MAGI2: variants seen among roughly 807,000 people sequenced by gnomAD.
The protein encoded by MAGI2 is membrane associated guanylate kinase, WW and PDZ domain containing 2, also known as membrane-associated guanylate kinase, WW and PDZ domain-containing protein 2.
MAGI2 carries 35 observed loss-of-function variants against 133.3 expected under a neutral mutation model. The ratio of observed to expected loss-of-function variants is 0.26; its 90% CI spans 0.20 to 0.35. The LOEUF is 0.35. Among genes scored for constraint, MAGI2 ranks in the 10% least tolerant of loss-of-function variants. The probability of loss-of-function intolerance (pLI) is 1.00; values close to 1 mark genes in which losing one functional copy is unlikely to be tolerated. For synonymous variants in MAGI2, 729 were observed against 710.6 expected, an observed-to-expected ratio of 1.03 and a Z score of -0.41; for missense variants, 1,636 against 1,863.4, an observed-to-expected ratio of 0.88 and a Z score of 2.25.
At position 78,110,344 on chromosome 7, in the gene MAGI2, G is replaced by T. The variant is rs556495872; in HGVS notation, c.3567+15350C>A. On this transcript the variant is annotated intron_variant, in intron 20 of 21. Coordinates refer to ENST00000354212, the MANE Select transcript of MAGI2 (RefSeq NM_012301.4). ...ACCATCCTAAAGACCAGGGGTATAT[G>T]CATCCTTCAGGCAGATAATTACACA... 5.3e-5 allele frequency among the ~76,000 whole-genome samples: 8 copies of T among 152,266 alleles called. No homozygotes were observed. The South Asian group carries it at 1.4e-3, about 28-fold the overall frequency.
At chr7:78,093,753 C>T (rs947320143) in intron 20 of MAGI2, among the ~76,000 whole-genome samples, 7 of 152,216 alleles carry the variant, frequency 4.6e-5, no homozygotes, top group Admixed American at 1.3e-4. Context: ...ACTTATGCCA[C>T]GAGATACATG....
At chr7:78,851,146 GC>G (rs1259268053) in intron 2 of MAGI2, among the ~76,000 whole-genome samples, 2 of 151,896 alleles carry the variant, frequency 1.3e-5, no homozygotes, top group African/African-American at 2.4e-5. Flanking sequence ...AAATAATTGA[GC>G]AAAACTAGAA....
intron 3 of MAGI2, among the ~76,000 whole-genome samples, chr7:78,580,050 C>G (rs987172467): frequency 5.3e-5 from 8 of 152,134 alleles, no homozygotes; most frequent in African/African-American, 1.9e-4. Context: ...TAAAATGTAA[C>G]TTAGAATGAA....
At chr7:78,090,105 C>T (rs1817036749) in intron 20 of MAGI2, among the ~76,000 whole-genome samples, 1 of 152,164 alleles carries the variant, frequency 6.6e-6, no homozygotes, top group African/African-American at 2.4e-5. Flanking sequence ...ATCCCATCTC[C>T]TAATCATGCC....
rs141337251 is a variant in MAGI2, at chr7:79,217,439, G to A, written c.302-210233C>T. On this transcript the variant is annotated intron_variant, in intron 1 of 21. Transcript: ENST00000354212. ...TGTGTGAGTATTTTCTCTATGGTAGGTATTGTTCTAAGAGCTTTATATGTA... is the reference window on the plus strand; with the variant it reads ...TGTGTGAGTATTTTCTCTATGGTAGATATTGTTCTAAGAGCTTTATATGTA... Among the ~76,000 whole-genome samples the A allele has an allele frequency of 4.7e-3, 712 of 152,052 alleles. 4 individuals are homozygous for A. The highest frequency in any genetic ancestry group is 8.0e-3 in the Non-Finnish European group (546 of 67,984).
At chr7:79,239,293 A>G (rs1327621007) in intron 1 of MAGI2, among the ~76,000 whole-genome samples, 3 of 152,284 alleles carry the variant, frequency 2.0e-5, no homozygotes, top group East Asian at 3.9e-4. Context: ...TAATTGAGAA[A>G]CACTAACTCA....
At chr7:79,054,393 A>G (rs1812950462) in intron 1 of MAGI2, among the ~76,000 whole-genome samples, 1 of 152,188 alleles carries the variant, frequency 6.6e-6, no homozygotes, top group Admixed American at 6.5e-5. Context: ...TAGAAAATCC[A>G]GGTCCCAGAA....
intron 2 of MAGI2, among the ~76,000 whole-genome samples, chr7:78,794,418 A>C (rs1319151668): frequency 6.6e-6 from 1 of 152,246 alleles, no homozygotes; most frequent in Non-Finnish European, 1.5e-5. Flanking sequence ...TTGTGTGGTT[A>C]TAAAATTGTC....
intron 1 of MAGI2, among the ~76,000 whole-genome samples, chr7:79,387,996 T>C: frequency 6.6e-6 from 1 of 152,062 alleles, no homozygotes; most frequent in Admixed American, 6.6e-5. Context: ...TAGTAAATAA[T>C]GATATTTCCC....
At chr7:78,023,532 A>G (rs766335397) in intron 21 of MAGI2, among the ~76,000 whole-genome samples, 8 of 152,330 alleles carry the variant, frequency 5.3e-5, no homozygotes, top group South Asian at 2.1e-4. Flanking sequence ...TAGAAATAAT[A>G]GAGACCCATC....
At chr7:78,398,085 G>A (rs774433612) in intron 6 of MAGI2, among the ~76,000 whole-genome samples, 2 of 152,096 alleles carry the variant, frequency 1.3e-5, no homozygotes, top group Non-Finnish European at 2.9e-5. Context: ...TGTGCTGTGT[G>A]AGAAAAGGCC....
intron 1 of MAGI2, among the ~76,000 whole-genome samples, chr7:79,053,973 G>T (rs934745013): frequency 3.3e-5 from 5 of 152,142 alleles, no homozygotes; most frequent in African/African-American, 1.2e-4. Context: ...GAGGTGGGTG[G>T]ATCATTTGAG....
At chr7:78,284,012 TTAAA>T (rs1012215660) in intron 9 of MAGI2, among the ~76,000 whole-genome samples, 1 of 152,092 alleles carries the variant, frequency 6.6e-6, no homozygotes, top group African/African-American at 2.4e-5. Flanking sequence ...TAACACAACA[TTAAA>T]TAAATGCCTC....
intron 9 of MAGI2, among the ~76,000 whole-genome samples, chr7:78,318,068 C>A (rs1476419782): frequency 1.3e-5 from 2 of 152,152 alleles, no homozygotes; most frequent in African/African-American, 4.8e-5. Context: ...CTCTTCTCCT[C>A]CAAAGGATCA....
chr7:79,228,369 A>AAAAAAAAAAAAAAAAAAAAAT, intron 1 of MAGI2, among the ~76,000 whole-genome samples: 1 of 148,416 alleles, frequency 6.7e-6, no homozygotes, highest in Non-Finnish European at 1.5e-5. Flanking sequence ...AAAAAAAAAA[A>AAAAAAAAAAAAAAAAAAAAAT]AGATCGTGGG....
At chr7:78,582,606 G>A (rs1439082149) in intron 3 of MAGI2, among the ~76,000 whole-genome samples, 2 of 152,210 alleles carry the variant, frequency 1.3e-5, no homozygotes, top group Non-Finnish European at 2.9e-5. Flanking sequence ...TCTGATGCCT[G>A]AATGAACACT....
At chr7:78,289,404 GA>G (rs1243346920) in intron 9 of MAGI2, among the ~76,000 whole-genome samples, 2 of 151,920 alleles carry the variant, frequency 1.3e-5, no homozygotes, top group Non-Finnish European at 2.9e-5. Flanking sequence ...GAAGTTTAGA[GA>G]AAAAAGTAAA....
At chr7:79,033,078 T>C (rs961642314) in intron 1 of MAGI2, among the ~76,000 whole-genome samples, 3 of 152,144 alleles carry the variant, frequency 2.0e-5, no homozygotes, top group Non-Finnish European at 4.4e-5. Context: ...GAAGACCTAG[T>C]TGAGGTATGC....
chr7:79,102,410 A>T (rs531189865), intron 1 of MAGI2, among the ~76,000 whole-genome samples: 7 of 152,298 alleles, frequency 4.6e-5, no homozygotes, highest in African/African-American at 1.7e-4. Flanking sequence ...CTTTTATTTC[A>T]CTAAGCTCAG....
Sources: allele counts gnomAD v4.1 joint callset (sites outside exome capture counted in the v4.1 genomes callset), GRCh38; gene constraint gnomAD v4.1.1; transcripts MANE v1.5; gene names NCBI Gene and HGNC (gene_info 2026-07-23, HGNC 2026-07-21).